DYNC1LI2: variants seen among roughly 807,000 people sequenced by gnomAD.
DYNC1LI2 encodes dynein cytoplasmic 1 light intermediate chain 2.
In DYNC1LI2, 19 loss-of-function variants were observed where a neutral mutation model predicts 57.8. The ratio of observed to expected loss-of-function variants is 0.33; its 90% CI spans 0.23 to 0.48. The LOEUF is 0.48. Among genes scored for constraint, DYNC1LI2 ranks in the 20% least tolerant of loss-of-function variants. The probability of loss-of-function intolerance (pLI) is 0.99; values close to 1 mark genes in which losing one functional copy is unlikely to be tolerated. For synonymous variants in DYNC1LI2, 256 were observed against 233.4 expected, an observed-to-expected ratio of 1.10 and a Z score of -0.88; for missense variants, 470 against 604.2, an observed-to-expected ratio of 0.78 and a Z score of 2.33.
At chr16:66,727,471 G>A (rs1295595090) in intron 11 of DYNC1LI2, among the ~76,000 whole-genome samples, 1 of 152,146 alleles carries the variant, frequency 6.6e-6, no homozygotes, top group Non-Finnish European at 1.5e-5. Flanking sequence ...CAGGTGCATG[G>A]GCTACCAATT....
At chr16:66,738,932 CA>C (rs1429181539) in intron 4 of DYNC1LI2, 197 of 135,706 alleles carry the variant, frequency 1.5e-3, no homozygotes, top group African/African-American at 5.3e-3. Context: ...CACACACACA[CA>C]CAAATACTTC....
intron 2 of DYNC1LI2, among the ~76,000 whole-genome samples, chr16:66,750,447 G>A (rs1245753456): frequency 2.0e-5 from 3 of 152,130 alleles, no homozygotes; most frequent in Non-Finnish European, 4.4e-5. Flanking sequence ...ACCACAAGGC[G>A]CTTCTAGCAG....
Position 66,732,403 on chromosome 16 carries a change from G to A in DYNC1LI2, c.865C>T (p.His289Tyr), listed in dbSNP as rs2017653609. 1 of 1,613,846 alleles carries A rather than the reference G, an allele frequency of 6.2e-7. No individual in the cohort carries two copies. The highest frequency in any genetic ancestry group is 8.5e-7 in the Non-Finnish European group (1 of 1,179,970). Residue 289 changes from histidine to tyrosine, a missense_variant, in exon 7 of 13, where the codon CAT becomes TAT. Transcript: ENST00000258198. Reference protein sequence around the residue: ...NLDLLYKYIVHKTYGFHFTTP... With the variant: ...NLDLLYKYIVYKTYGFHFTTP... ...GTGAAGTGGAAACCGTATGTTTTAT[G>A]AACAATATACTTATACAACAAGTCG...
At chr16:66,741,881 C>A (rs1053754644) in intron 4 of DYNC1LI2, among the ~76,000 whole-genome samples, 10 of 134,628 alleles carry the variant, frequency 7.4e-5, no homozygotes, top group Admixed American at 3.3e-4. Context: ...CTTAAAATAA[C>A]CTTTCATGTT....
chr16:66,729,469 T>C (rs2017595040), intron 8 of DYNC1LI2, among the ~76,000 whole-genome samples: 1 of 151,592 alleles, frequency 6.6e-6, no homozygotes, highest in Non-Finnish European at 1.5e-5. Context: ...GCCATTTACA[T>C]AACGCCAGAC....
intron 4 of DYNC1LI2, among the ~76,000 whole-genome samples, chr16:66,736,994 T>A (rs930920569): frequency 1.3e-5 from 2 of 152,180 alleles, no homozygotes; most frequent in Non-Finnish European, 2.9e-5. Flanking sequence ...CCTAATGAGC[T>A]GGGCACAGTG....
Position 66,723,682 on chromosome 16 carries a change from A to G in DYNC1LI2, c.*40T>C, listed in dbSNP as rs2017487799. On this transcript the variant is annotated 3_prime_UTR_variant, in exon 13 of 13. Transcript: ENST00000258198. ...CTGGTCTTAGCAGATCAATATACATAGTTATTTGGTCATTCGACATATGCA... is the reference window on the plus strand; with the variant it reads ...CTGGTCTTAGCAGATCAATATACATGGTTATTTGGTCATTCGACATATGCA... The G allele has an allele frequency of 3.2e-6, 5 of 1,566,098 alleles. No individual in the cohort carries two copies. Among genetic ancestry groups the G allele is most frequent in the Non-Finnish European group, 3.5e-6 (4 of 1,153,150 alleles).
chr16:66,749,328 T>C lies in DYNC1LI2; in HGVS notation c.182-15A>G, dbSNP rs764255924. 1.1e-5 allele frequency: 18 copies of C among 1,613,042 alleles called. 1 individual carries two copies. The South Asian group carries it at 1.9e-4, about 17-fold the overall frequency. On this transcript the variant is annotated splice_polypyrimidine_tract_variant and intron_variant, in intron 2 of 12. Coordinates refer to ENST00000258198, the MANE Select transcript of DYNC1LI2 (RefSeq NM_006141.3). ...ACCATCTTCACCTACAAAGGATGTT[T>C]GCAAGACAAAGGTGTACTGTTTATT...
intron 12 of DYNC1LI2, chr16:66,724,568 A>C (rs2017503552): frequency 6.6e-6 from 1 of 152,206 alleles, no homozygotes; most frequent in South Asian, 2.1e-4. Flanking sequence ...AAACCCCTTA[A>C]AATGTCCTCC....
chr16:66,739,708 T>C (rs374196137), intron 4 of DYNC1LI2, among the ~76,000 whole-genome samples: 2 of 152,200 alleles, frequency 1.3e-5, no homozygotes, highest in Non-Finnish European at 2.9e-5. Flanking sequence ...GTTACAAGCA[T>C]TGAGCCACTG....
chr16:66,726,916 G>A (rs1230647782), intron 11 of DYNC1LI2, among the ~76,000 whole-genome samples: 3 of 150,900 alleles, frequency 2.0e-5, no homozygotes, highest in South Asian at 2.1e-4. Context: ...GAGTCACCAC[G>A]CCAGGCCTTT....
chr16:66,737,909 T>C (rs182921916), intron 4 of DYNC1LI2, among the ~76,000 whole-genome samples: 1 of 152,272 alleles, frequency 6.6e-6, no homozygotes, highest in East Asian at 1.9e-4. Flanking sequence ...TAAAGCTACC[T>C]TGAGCCAGAG....
intron 12 of DYNC1LI2, 47 bp from the exon 13 acceptor site, chr16:66,723,869 G>A (rs1388757148): frequency 6.6e-6 from 10 of 1,519,446 alleles, no homozygotes; most frequent in Admixed American, 2.2e-5. Context: ...TGTGAGAAGA[G>A]GAAACAATTT....
chr16:66,749,838 G>A (rs139285935), intron 2 of DYNC1LI2, among the ~76,000 whole-genome samples: 49 of 152,216 alleles, frequency 3.2e-4, no homozygotes, highest in African/African-American at 1.1e-3. Flanking sequence ...AGAAACTGAC[G>A]AAAATAATTA....
At position 66,723,825 on chromosome 16, in the gene DYNC1LI2, GAA is replaced by G. The variant is rs59506954; in HGVS notation, c.1379-5_1379-4del. ...ATTTGACAACACAGTCTTTTGTCCT[GAA>G]AAAAAAAAAAAGCAAAAAAGCAAAG... On this transcript the variant is annotated splice_polypyrimidine_tract_variant and splice_region_variant and intron_variant, in intron 12 of 12. Coordinates refer to ENST00000258198, the MANE Select transcript of DYNC1LI2 (RefSeq NM_006141.3). The G allele has an allele frequency of 0.01, 13,935 of 1,349,600 alleles. No homozygotes were observed. The highest frequency in any genetic ancestry group is 0.029 in the East Asian group (1,085 of 37,174). 83.6% of individuals were successfully genotyped at this position (1,349,600 alleles called of 1,614,324 possible). A position where few individuals can be genotyped will look rare whatever the true frequency, so the allele number is the denominator to read the frequency against.
intron 5 of DYNC1LI2, 66 bp downstream of exon 5, chr16:66,736,009 C>A: frequency 6.5e-7 from 1 of 1,541,578 alleles, no homozygotes; most frequent in Non-Finnish European, 8.8e-7. Context: ...AACAGTTTCT[C>A]AAACTTTCAG....
chr16:66,749,920 C>A (rs2018011589), intron 2 of DYNC1LI2, among the ~76,000 whole-genome samples: 1 of 152,194 alleles, frequency 6.6e-6, no homozygotes, highest in South Asian at 2.1e-4. Flanking sequence ...TCCACCCAAA[C>A]AACACCCCCC....
At chr16:66,746,636 T>C (rs1012621989) in intron 3 of DYNC1LI2, among the ~76,000 whole-genome samples, 1 of 152,196 alleles carries the variant, frequency 6.6e-6, no homozygotes, top group South Asian at 2.1e-4. Flanking sequence ...AATATGCTTA[T>C]GGTATCTTGA....
intron 9 of DYNC1LI2, 48 bp from the exon 10 acceptor site, chr16:66,728,290 C>A (rs376012444): frequency 2.1e-4 from 331 of 1,609,674 alleles, no homozygotes; most frequent in Non-Finnish European, 2.5e-4. Flanking sequence ...CTGCAGAGAG[C>A]ACTGAAGGTC....
Sources: allele counts gnomAD v4.1 joint callset (sites outside exome capture counted in the v4.1 genomes callset), GRCh38; gene constraint gnomAD v4.1.1; transcripts MANE v1.5; gene names NCBI Gene and HGNC (gene_info 2026-07-23, HGNC 2026-07-21).